EXOSC5: variants seen among roughly 807,000 people sequenced by gnomAD.
EXOSC5 encodes the protein exosome component 5.
In EXOSC5, 15 loss-of-function variants were observed where a neutral mutation model predicts 23.7. That is an observed-to-expected ratio of 0.63 (90% CI 0.42 to 0.97). EXOSC5 has a LOEUF of 0.97. Ranked by LOEUF, EXOSC5 falls within the 50% of genes least tolerant of loss-of-function variation. EXOSC5 has a pLI of 0.00. For synonymous variants in EXOSC5, 143 were observed against 140.9 expected, an observed-to-expected ratio of 1.02 and a Z score of -0.11; for missense variants, 305 against 316.3, an observed-to-expected ratio of 0.96 and a Z score of 0.27.
intron 3 of EXOSC5, chr19:41,391,635 A>G (rs1169547387): frequency 3.5e-6 from 2 of 570,308 alleles, no homozygotes; most frequent in Non-Finnish European, 5.7e-6. Flanking sequence ...GGCATGTGCT[A>G]TATTACATGA....
chr19:41,392,810 G>A (rs952151770), intron 2 of EXOSC5, 57 bp downstream of exon 2: 2 of 1,488,956 alleles, frequency 1.3e-6, no homozygotes, highest in East Asian at 2.3e-5. Flanking sequence ...GGGAGGAGCT[G>A]GGGGGGTGAT....
chr19:41,387,687 G>A, intron 4 of EXOSC5, 84 bp from the exon 5 acceptor site: 6 of 984,892 alleles, frequency 6.1e-6, no homozygotes, highest in Non-Finnish European at 8.7e-6. Flanking sequence ...GCCAGGCACA[G>A]TGGCTCATGA....
chr19:41,388,904 C>T (rs544543350), intron 4 of EXOSC5, among the ~76,000 whole-genome samples: 53 of 152,188 alleles, frequency 3.5e-4, no homozygotes, highest in African/African-American at 1.2e-3. Flanking sequence ...AAGGCAGGGA[C>T]GAGAAGTGAA....
Position 41,386,745 on chromosome 19 carries a change from C to A in EXOSC5, c.616-20G>T, listed in dbSNP as rs771175954. 5.1e-6 allele frequency: 8 copies of A among 1,561,362 alleles called. No individual in the cohort carries two copies. In the Admixed American group the frequency reaches 5.6e-5, roughly 11 times the overall value. On this transcript the variant is annotated intron_variant, in intron 5 of 5. Transcript: ENST00000221233. Reference sequence around the variant, plus strand: ...CTGGAGCTGCGGGGGAGAGACTGGTCGGTGCTGGGGGCCGAGCCCTTCATG... The same window carrying A: ...CTGGAGCTGCGGGGGAGAGACTGGTAGGTGCTGGGGGCCGAGCCCTTCATG...
At chr19:41,392,401 G>A (rs2039029839) in intron 2 of EXOSC5, among the ~76,000 whole-genome samples, 1 of 152,046 alleles carries the variant, frequency 6.6e-6, no homozygotes, top group African/African-American at 2.4e-5. Flanking sequence ...GGCCAACATG[G>A]TGAAACCCCA....
intron 4 of EXOSC5, among the ~76,000 whole-genome samples, chr19:41,389,422 C>T (rs1021789768): frequency 1.3e-5 from 2 of 152,182 alleles, no homozygotes; most frequent in Non-Finnish European, 2.9e-5. Context: ...TGCGCCACCA[C>T]ACCTGGCTAA....
At chr19:41,391,994 C>G in intron 2 of EXOSC5, 32 bp from the exon 3 acceptor site, 1 of 1,566,680 alleles carries the variant, frequency 6.4e-7, no homozygotes, top group Non-Finnish European at 8.6e-7. Context: ...TCAGGGTCTT[C>G]CCCTTCATTT....
intron 2 of EXOSC5, 52 bp from the exon 3 acceptor site, chr19:41,392,014 TC>T (rs1568497272): frequency 1.9e-6 from 3 of 1,556,418 alleles, no homozygotes; most frequent in Non-Finnish European, 2.6e-6. Flanking sequence ...TGACTCACCT[TC>T]CTCCATACGC....
intron 1 of EXOSC5, among the ~76,000 whole-genome samples, chr19:41,396,585 A>T (rs1384924980): frequency 1.4e-5 from 2 of 147,918 alleles, no homozygotes; most frequent in Non-Finnish European, 3.0e-5. Flanking sequence ...GGAAAAGGGG[A>T]TATTTGCTCT....
At chr19:41,394,904 C>T (rs111867059) in intron 1 of EXOSC5, among the ~76,000 whole-genome samples, 14,056 of 151,882 alleles carry the variant, frequency 0.093, 777 homozygotes, top group Non-Finnish European at 0.13. Context: ...CGCGGTGGCA[C>T]GCACCTGTGG....
intron 4 of EXOSC5, among the ~76,000 whole-genome samples, chr19:41,389,492 C>T (rs1241870560): frequency 2.6e-5 from 4 of 152,146 alleles, no homozygotes; most frequent in East Asian, 1.9e-4. Context: ...CTCGAACTCC[C>T]GACCTCAGGT....
In EXOSC5 at chr19:41,389,698, G is replaced by A. The variant is rs1030303855; in HGVS notation, c.525+67C>T. The A allele has an allele frequency of 3.8e-6, 6 of 1,567,538 alleles. No individual in the cohort carries two copies. The South Asian group carries it at 6.0e-5, about 16-fold the overall frequency. ...GAGCCGACTGTCTGTAGAGAAGCGA[G>A]GCCTGGAGGAAGGGACGGGCAGCTG... On this transcript the variant is annotated intron_variant, in intron 4 of 5. Coordinates refer to ENST00000221233, the MANE Select transcript of EXOSC5 (RefSeq NM_020158.4).
At chr19:41,390,758 C>T (rs1379568582) in intron 3 of EXOSC5, among the ~76,000 whole-genome samples, 1 of 30,118 alleles carries the variant, frequency 3.3e-5, no homozygotes, top group Non-Finnish European at 8.9e-5. Context: ...GCCTAGCAGC[C>T]AGACAAAGAC....
Position 41,386,686 on chromosome 19 carries a change from G to A in EXOSC5, c.655C>T (p.His219Tyr). 2 of 1,603,688 alleles carry A rather than the reference G, an allele frequency of 1.2e-6. No individual in the cohort carries two copies. The highest frequency in any genetic ancestry group is 1.3e-5 in the African/African-American group (1 of 74,916). The change falls in exon 6 of 6, where the codon CAC (histidine) becomes TAC (tyrosine). Residue 219 changes from histidine to tyrosine, a missense_variant. Coordinates refer to ENST00000221233, the MANE Select transcript of EXOSC5 (RefSeq NM_020158.4). ...GATTCCCGGTAGAAACGGAAGACGT[G>A]TTGCGAAGCGGCCTGGGCCGCAGCC... is the stretch of plus-strand genomic sequence containing the variant. Reference protein sequence around the residue: ...CLAAAQAASQHVFRFYRESLQ... With the variant: ...CLAAAQAASQYVFRFYRESLQ...
In EXOSC5 at chr19:41,391,751, C is replaced by T. The variant is rs2039023583; in HGVS notation, c.384+90G>A. 4 of 1,431,944 alleles carry T rather than the reference C, an allele frequency of 2.8e-6. No individual in the cohort carries two copies. The South Asian group carries it at 4.8e-5, about 17-fold the overall frequency. The allele number at this position is 1,431,944 out of a possible 1,614,324, so 88.7% of individuals were successfully genotyped here. On this transcript the variant is annotated intron_variant, in intron 3 of 5. Coordinates refer to ENST00000221233, the MANE Select transcript of EXOSC5 (RefSeq NM_020158.4). ...CTGGTACCTGTCAAGTGTTTGAAGG[C>T]TTTCTGGCTAGCAGTGAGGGTATAT...
chr19:41,393,420 AT>A (rs2039038906), intron 1 of EXOSC5, among the ~76,000 whole-genome samples: 1 of 152,058 alleles, frequency 6.6e-6, no homozygotes, highest in South Asian at 2.1e-4. Context: ...ATGTGCCACC[AT>A]GCCTGACTAA....
chr19:41,396,741 G>A (rs1034279368), intron 1 of EXOSC5, among the ~76,000 whole-genome samples: 21 of 148,746 alleles, frequency 1.4e-4, no homozygotes, highest in African/African-American at 4.7e-4. Context: ...TCTTCAATTT[G>A]AGGAGTATTT....
Position 41,397,333 on chromosome 19 carries a change from C to A in EXOSC5, c.-5G>T. 1 of 1,610,428 alleles carries A rather than the reference C, an allele frequency of 6.2e-7. No individual in the cohort carries two copies. Among genetic ancestry groups the A allele is most frequent in the South Asian group, 1.1e-5 (1 of 90,898 alleles). On this transcript the variant is annotated 5_prime_UTR_variant, in exon 1 of 6. Transcript: ENST00000221233. ...AGTATGCGTCTCCTCCTCCATCGCG[C>A]CGAGCCCACGTGCGGCTGCAGTTGT...
chr19:41,392,842 C>CA (rs1429680504), intron 2 of EXOSC5, 25 bp downstream of exon 2: 1 of 1,608,508 alleles, frequency 6.2e-7, no homozygotes. Context: ...GGGCACCACT[C>CA]AGAGGTTCAG....
Sources: gnomAD v4.1 joint callset for allele counts (sites outside exome capture counted in the v4.1 genomes callset) on GRCh38, gnomAD v4.1.1 for gene constraint, MANE v1.5 for transcripts, NCBI Gene and HGNC (gene_info 2026-07-23, HGNC 2026-07-21) for gene names.